The following PCDHA9 variants were observed in gnomAD, a reference collection of about 807,000 sequenced individuals.
PCDHA9 encodes the protein protocadherin alpha 9, also known as protocadherin alpha-9.
Under a neutral mutation model 62.0 loss-of-function variants are expected in PCDHA9, and 62 were observed. The ratio of observed to expected loss-of-function variants is 1.00; its 90% CI spans 0.81 to 1.23. The LOEUF (loss-of-function observed/expected upper bound fraction) is 1.23, where lower values mean the gene tolerates loss of function less well. Among genes scored for constraint, PCDHA9 ranks in the 50% most tolerant of loss-of-function variants. PCDHA9 has a pLI of 0.00. For synonymous variants in PCDHA9, 557 were observed against 567.6 expected, an observed-to-expected ratio of 0.98 and a Z score of 0.27; for missense variants, 1,205 against 1,249.8, an observed-to-expected ratio of 0.96 and a Z score of 0.54.
chr5:140,999,176 T>A (rs546665453), intron 3 of PCDHA9, among the ~76,000 whole-genome samples: 1 of 152,274 alleles, frequency 6.6e-6, no homozygotes, highest in African/African-American at 2.4e-5. Context: ...AAGAGCCTGA[T>A]GGGGAGAGGG....
intron 1 of PCDHA9, among the ~76,000 whole-genome samples, chr5:140,925,950 A>G (rs2082820493): frequency 6.6e-6 from 1 of 152,030 alleles, no homozygotes. Flanking sequence ...GGAGAAGGAG[A>G]AACTGCTATC....
intron 1 of PCDHA9, among the ~76,000 whole-genome samples, chr5:140,900,805 G>C (rs1554189444): frequency 6.6e-6 from 1 of 152,118 alleles, no homozygotes; most frequent in Non-Finnish European, 1.5e-5. Context: ...CATAGTGCTT[G>C]TACTAATTTA....
At chr5:141,007,507 G>A (rs2098333216) in intron 3 of PCDHA9, among the ~76,000 whole-genome samples, 1 of 151,980 alleles carries the variant, frequency 6.6e-6, no homozygotes, top group Admixed American at 6.6e-5. Flanking sequence ...GGCAGAGACT[G>A]CAGTGAGCTG....
In PCDHA9 at chr5:140,850,271, G is replaced by A; in HGVS notation, c.1776G>A (p.Gly592=). The change falls in exon 1 of 4, where the codon GGG becomes GGA. Residue 592 remains glycine (G), a synonymous_variant. Transcript: ENST00000532602. ...CGGTGGGCGCCGGCGTAGTGGTGGGGAAGGTGCGCGCAGTGGACGCCGACT... is the reference window on the plus strand; with the variant it reads ...CGGTGGGCGCCGGCGTAGTGGTGGGAAAGGTGCGCGCAGTGGACGCCGACT... The part of the protein sequence containing the change: ...LRSVGAGVVV[G]KVRAVDADSG... 2 of 1,595,372 alleles carry A rather than the reference G, an allele frequency of 1.3e-6. No homozygotes were observed. The highest frequency in any genetic ancestry group is 1.7e-6 in the Non-Finnish European group (2 of 1,167,616).
intron 1 of PCDHA9, among the ~76,000 whole-genome samples, chr5:140,953,278 T>C (rs1227774652): frequency 6.6e-5 from 10 of 152,146 alleles, no homozygotes; most frequent in African/African-American, 2.4e-4. Flanking sequence ...CTTTGCTCTT[T>C]ATATGTGATT....
chr5:140,877,888 C>T (rs1554170207), intron 1 of PCDHA9: 3 of 1,458,570 alleles, frequency 2.1e-6, no homozygotes, highest in South Asian at 1.5e-5. Flanking sequence ...GAAGAACTTC[C>T]GTTTAGGTTA....
At chr5:140,884,221 G>A in intron 1 of PCDHA9, 1 of 1,613,488 alleles carries the variant, frequency 6.2e-7, no homozygotes, top group East Asian at 2.2e-5. Context: ...TGGTGCTGGT[G>A]AAGGACCACG....
Position 140,850,679 on chromosome 5 carries a change from C to A in PCDHA9, c.2184C>A (p.Thr728=). Residue 728 remains threonine, a synonymous_variant, in exon 1 of 4, where the codon ACC becomes ACA. Coordinates refer to ENST00000532602, the MANE Select transcript of PCDHA9 (RefSeq NM_031857.2). ...TGCTGCGGTGCTCGGCGATGCCCAC[C>A]GAGGGCGAGTGCGCGCCTGGCAAGC... ...YTVLRCSAMP[T]EGECAPGKPT... The A allele has an allele frequency of 6.3e-7, 1 of 1,598,496 alleles. No individual in the cohort carries two copies. Among genetic ancestry groups the A allele is most frequent in the Non-Finnish European group, 8.6e-7 (1 of 1,167,872 alleles).
In PCDHA9 at chr5:140,928,550, C is replaced by T. The variant is rs781857799; in HGVS notation, c.2395-50399C>T. The T allele has an allele frequency of 3.7e-6, 6 of 1,614,160 alleles. No individual in the cohort carries two copies. Among genetic ancestry groups the T allele is most frequent in the South Asian group, 3.3e-5 (3 of 91,084 alleles). On this transcript the variant is annotated intron_variant, in intron 1 of 3. Transcript: ENST00000532602. ...GTGGTAGATAGGAATGACAATTATC[C>T]GGTTATCTTGTTTCCCTTGCCCAGA...
chr5:141,000,421 A>ATTTTTTTTTTTTT (rs34755515), intron 3 of PCDHA9, among the ~76,000 whole-genome samples: 1 of 27,968 alleles, frequency 3.6e-5, no homozygotes, highest in African/African-American at 1.8e-4. Flanking sequence ...ATATATATAT[A>ATTTTTTTTTTTTT]TTTTTTTTTT....
In PCDHA9 at chr5:140,852,367, T is replaced by C. The variant is rs2150515720; in HGVS notation, c.2394+1478T>C. On this transcript the variant is annotated intron_variant, in intron 1 of 3. Transcript: ENST00000532602. Reference sequence around the variant, plus strand: ...ATCTTGGCTCACTGCAACGTCTGCCTCCTGGGTTCAAGCAATTCTCCTGCC... The same window carrying C: ...ATCTTGGCTCACTGCAACGTCTGCCCCCTGGGTTCAAGCAATTCTCCTGCC... 73 of 201,190 alleles carry C rather than the reference T, an allele frequency of 3.6e-4. 4 individuals are homozygous for C. The highest frequency in any genetic ancestry group is 6.9e-4 in the Non-Finnish European group (70 of 101,398). 12.5% of individuals were successfully genotyped at this position (201,190 alleles called of 1,614,324 possible).
chr5:140,869,694 GA>G, intron 1 of PCDHA9: 1 of 1,613,394 alleles, frequency 6.2e-7, no homozygotes, highest in Non-Finnish European at 8.5e-7. Context: ...TTATTTTAAA[GA>G]AGTCTCTGGA....
chr5:140,939,005 G>A (rs2092293653), intron 1 of PCDHA9, among the ~76,000 whole-genome samples: 1 of 152,200 alleles, frequency 6.6e-6, no homozygotes, highest in Non-Finnish European at 1.5e-5. Flanking sequence ...AAGTTAAGAA[G>A]TGTTACTTTT....
In PCDHA9 at chr5:140,858,295, G is replaced by T. The variant is rs190932191; in HGVS notation, c.2394+7406G>T. 8.8e-5 allele frequency: 140 copies of T among 1,597,360 alleles called. 13 individuals are homozygous for T. Among genetic ancestry groups the T allele is most frequent in the African/African-American group, 2.6e-4 (19 of 74,394 alleles). The stretch of plus-strand genomic sequence containing the variant: ...GCGCGGTGGGGAGCTGGTCTTACTC[G>T]CAGCAGAGGCGGCAGAGGGTGTGTT... On this transcript the variant is annotated intron_variant, in intron 1 of 3. Transcript: ENST00000532602.
chr5:140,880,822 A>T (rs893258483), intron 1 of PCDHA9, among the ~76,000 whole-genome samples: 2 of 152,206 alleles, frequency 1.3e-5, no homozygotes, highest in Non-Finnish European at 2.9e-5. Flanking sequence ...GAGTGTCTGG[A>T]AGGGCATATT....
At chr5:140,972,871 C>G (rs1436283252) in intron 1 of PCDHA9, among the ~76,000 whole-genome samples, 1 of 152,030 alleles carries the variant, frequency 6.6e-6, no homozygotes, top group Non-Finnish European at 1.5e-5. Flanking sequence ...ATCATGTTGT[C>G]CAGGATGGTC....
intron 1 of PCDHA9, among the ~76,000 whole-genome samples, chr5:140,909,299 T>G (rs561949225): frequency 6.6e-6 from 1 of 152,320 alleles, no homozygotes; most frequent in Non-Finnish European, 1.5e-5. Flanking sequence ...TGGACAGGAA[T>G]GGAGAAAAAG....
intron 1 of PCDHA9, among the ~76,000 whole-genome samples, chr5:140,965,508 T>C (rs1278735339): frequency 6.6e-6 from 1 of 152,124 alleles, no homozygotes; most frequent in Non-Finnish European, 1.5e-5. Context: ...TTTTTTTTTT[T>C]TTTAACTGCA....
chr5:140,876,138 A>G (rs781923596), intron 1 of PCDHA9: 1 of 1,613,952 alleles, frequency 6.2e-7, no homozygotes. Context: ...AACCAGAACT[A>G]ACAGGGTCTG....
Sources: allele counts gnomAD v4.1 joint callset (sites outside exome capture counted in the v4.1 genomes callset), GRCh38; gene constraint gnomAD v4.1.1; transcripts MANE v1.5; gene names NCBI Gene and HGNC (gene_info 2026-07-23, HGNC 2026-07-21).